MSRA: variants seen among roughly 807,000 people sequenced by gnomAD.
MSRA encodes the protein mitochondrial peptide methionine sulfoxide reductase.
MSRA carries 54 observed loss-of-function variants against 31.3 expected under a neutral mutation model. That is an observed-to-expected ratio of 1.73 (90% CI 1.39 to 2.17). The LOEUF is 2.17. Ranked by LOEUF, MSRA falls within the 30% of genes most tolerant of loss-of-function variation. MSRA has a pLI of 0.00. For missense variants in MSRA, 507 were observed against 300.9 expected, an observed-to-expected ratio of 1.69 and a Z score of -5.07; for synonymous variants, 169 against 116.5, an observed-to-expected ratio of 1.45 and a Z score of -2.90.
chr8:10,115,784 T>C (rs1800632440), intron 1 of MSRA, among the ~76,000 whole-genome samples: 1 of 152,224 alleles, frequency 6.6e-6, no homozygotes, highest in South Asian at 2.1e-4. Context: ...GTCACTGCTG[T>C]ATCCCCAGCA....
chr8:10,324,217 C>G (rs1480295846), intron 5 of MSRA, among the ~76,000 whole-genome samples: 2 of 152,154 alleles, frequency 1.3e-5, no homozygotes. Flanking sequence ...GCTAGTGTGA[C>G]TGAGGAACTG....
chr8:10,300,811 A>G (rs1322503004), intron 3 of MSRA, among the ~76,000 whole-genome samples: 5 of 152,282 alleles, frequency 3.3e-5, no homozygotes, highest in African/African-American at 1.2e-4. Context: ...AAAGAAGGAC[A>G]TGAATTTCAC....
At chr8:10,358,773 T>C (rs1388605267) in intron 5 of MSRA, among the ~76,000 whole-genome samples, 1 of 148,750 alleles carries the variant, frequency 6.7e-6, no homozygotes. Context: ...TTTGTATTTT[T>C]AGTAGAGACG....
In MSRA at chr8:10,180,609, C is replaced by G. The variant is rs144060034; in HGVS notation, c.143-27224C>G. On this transcript the variant is annotated intron_variant, in intron 1 of 5. Coordinates refer to ENST00000317173, the MANE Select transcript of MSRA (RefSeq NM_012331.5). ...TAAGGTTGAAAGGGGTTTGCTATGA[C>G]TAACAAGATGCTCCCCTTACCCCCA... Among the ~76,000 whole-genome samples, 355 of 152,300 alleles carry G rather than the reference C, an allele frequency of 2.3e-3. 2 individuals are homozygous for G. The highest frequency in any genetic ancestry group is 8.0e-3 in the African/African-American group (333 of 41,554).
intron 1 of MSRA, among the ~76,000 whole-genome samples, chr8:10,170,697 C>T (rs1456040009): frequency 2.0e-5 from 3 of 152,144 alleles, no homozygotes; most frequent in African/African-American, 7.2e-5. Flanking sequence ...TTATACTGTG[C>T]CATTTTATGT....
chr8:10,220,798 G>A (rs1158024927), intron 2 of MSRA, among the ~76,000 whole-genome samples: 1 of 152,128 alleles, frequency 6.6e-6, no homozygotes, highest in Admixed American at 6.5e-5. Flanking sequence ...CCTTTGTCAG[G>A]GTGGCAGTGG....
chr8:10,074,058 CTTTTTTTT>C (rs534642712), intron 1 of MSRA, among the ~76,000 whole-genome samples: 29 of 29,444 alleles, frequency 9.8e-4, no homozygotes, highest in African/African-American at 1.2e-3. Flanking sequence ...AAGGGAGGTG[CTTTTTTTT>C]TTTTTTTTTT....
At chr8:10,139,926 G>T (rs1802566558) in intron 1 of MSRA, among the ~76,000 whole-genome samples, 2 of 152,232 alleles carry the variant, frequency 1.3e-5, no homozygotes, top group African/African-American at 2.4e-5. Context: ...GGGGAGAGAA[G>T]ATTTCTGTTC....
chr8:10,125,758 C>T (rs1474089268), intron 1 of MSRA, among the ~76,000 whole-genome samples: 1 of 152,192 alleles, frequency 6.6e-6, no homozygotes, highest in Non-Finnish European at 1.5e-5. Context: ...AGGTATTGCA[C>T]AATAGAAGAT....
intron 1 of MSRA, among the ~76,000 whole-genome samples, chr8:10,088,952 C>T (rs751314198): frequency 6.6e-6 from 1 of 151,938 alleles, no homozygotes; most frequent in Admixed American, 6.6e-5. Context: ...TTAATACACA[C>T]GTAGAGAATA....
At chr8:10,269,935 G>C (rs745753861) in intron 3 of MSRA, among the ~76,000 whole-genome samples, 1 of 151,968 alleles carries the variant, frequency 6.6e-6, no homozygotes, top group Non-Finnish European at 1.5e-5. Context: ...ACAGGCGTGA[G>C]CCATCGTGCC....
intron 3 of MSRA, among the ~76,000 whole-genome samples, chr8:10,269,396 T>C (rs1798912514): frequency 6.6e-6 from 1 of 152,226 alleles, no homozygotes; most frequent in Non-Finnish European, 1.5e-5. Context: ...TATATAGGCC[T>C]ACTTATGGAA....
At chr8:10,418,443 G>A (rs1299283535) in intron 5 of MSRA, among the ~76,000 whole-genome samples, 1 of 152,138 alleles carries the variant, frequency 6.6e-6, no homozygotes, top group African/African-American at 2.4e-5. Context: ...GCGACTGCTG[G>A]GGGATGGGCA....
At chr8:10,322,180 A>G (rs929228292) in intron 5 of MSRA, among the ~76,000 whole-genome samples, 7 of 152,102 alleles carry the variant, frequency 4.6e-5, no homozygotes, top group South Asian at 2.1e-4. Context: ...CATATGTTCT[A>G]TTTGACTCAA....
At chr8:10,395,620 T>G (rs575226494) in intron 5 of MSRA, among the ~76,000 whole-genome samples, 2 of 152,318 alleles carry the variant, frequency 1.3e-5, no homozygotes, top group Admixed American at 1.3e-4. Flanking sequence ...ATGAGTCATC[T>G]CAGCTTGGCA....
At chr8:10,227,871 G>C (rs940274506) in intron 2 of MSRA, among the ~76,000 whole-genome samples, 1 of 152,212 alleles carries the variant, frequency 6.6e-6, no homozygotes, top group Non-Finnish European at 1.5e-5. Flanking sequence ...GATAAGGAAG[G>C]TGTCTTGTTG....
At chr8:10,221,590 G>T (rs377388811) in intron 2 of MSRA, among the ~76,000 whole-genome samples, 1 of 152,114 alleles carries the variant, frequency 6.6e-6, no homozygotes, top group Non-Finnish European at 1.5e-5. Context: ...ATGTTCATCA[G>T]ATGGTTTATT....
chr8:10,144,179 G>T (rs1418831483), intron 1 of MSRA, among the ~76,000 whole-genome samples: 2 of 152,130 alleles, frequency 1.3e-5, no homozygotes, highest in African/African-American at 4.8e-5. Context: ...AAGTCTCGTG[G>T]TGCCATGTTC....
At position 10,074,058 on chromosome 8, in the gene MSRA, C is replaced by CTTT. The variant is rs534642712; in HGVS notation, c.142+19438_142+19440dup. Among the ~76,000 whole-genome samples the CTTT allele has an allele frequency of 1.5e-3, 43 of 29,430 alleles. 2 individuals carry two copies. Among genetic ancestry groups the CTTT allele is most frequent in the African/African-American group, 2.5e-3 (21 of 8,270 alleles). The allele number at this position is 29,430 out of a possible 152,430, so 19.3% of individuals were successfully genotyped here. A position where few individuals can be genotyped will look rare whatever the true frequency, so the allele number is the denominator to read the frequency against. On this transcript the variant is annotated intron_variant, in intron 1 of 5. Transcript: ENST00000317173. ...CATTTTGTTTTGTCTAAGGGAGGTG[C>CTTT]TTTTTTTTTTTTTTTTTTTTTTTTT...
Sources: gnomAD v4.1 joint callset for allele counts (sites outside exome capture counted in the v4.1 genomes callset) on GRCh38, gnomAD v4.1.1 for gene constraint, MANE v1.5 for transcripts, NCBI Gene and HGNC (gene_info 2026-07-23, HGNC 2026-07-21) for gene names.